THEM4: variants seen among roughly 807,000 people sequenced by gnomAD.
THEM4 encodes acyl-coenzyme A thioesterase THEM4.
A neutral mutation model predicts 25.0 loss-of-function variants in THEM4; 22 were observed. That is an observed-to-expected ratio of 0.88 (90% CI 0.63 to 1.26). The LOEUF is 1.26. Ranked by LOEUF, THEM4 falls within the 50% of genes most tolerant of loss-of-function variation. The pLI, the probability that THEM4 is intolerant of heterozygous loss-of-function variation, is 0.00. For missense variants in THEM4, 286 were observed against 300.3 expected, an observed-to-expected ratio of 0.95 and a Z score of 0.35; for synonymous variants, 113 against 105.6, an observed-to-expected ratio of 1.07 and a Z score of -0.43.
chr1:151,905,193 A>C (rs1477140932), intron 1 of THEM4, among the ~76,000 whole-genome samples: 1 of 152,214 alleles, frequency 6.6e-6, no homozygotes, highest in African/African-American at 2.4e-5. Flanking sequence ...AACAGGGTGG[A>C]GCCACAGAAG....
At chr1:151,881,931 G>A (rs1387829175) in intron 4 of THEM4, among the ~76,000 whole-genome samples, 2 of 151,822 alleles carry the variant, frequency 1.3e-5, no homozygotes, top group Non-Finnish European at 1.5e-5. Flanking sequence ...ATTTTTCTAG[G>A]ACTCTAATTA....
At chr1:151,886,969 C>T (rs1011371700) in intron 4 of THEM4, among the ~76,000 whole-genome samples, 2 of 151,900 alleles carry the variant, frequency 1.3e-5, no homozygotes, top group Non-Finnish European at 2.9e-5. Flanking sequence ...GTACAAAGAT[C>T]TGTTTACAAA....
intron 1 of THEM4, among the ~76,000 whole-genome samples, chr1:151,898,895 C>T (rs539856087): frequency 1.1e-3 from 161 of 152,262 alleles, no homozygotes; most frequent in Non-Finnish European, 1.2e-3. Context: ...GAGAGTACTA[C>T]ATCAGCAGAA....
chr1:151,887,755 T>C (rs1415310577), intron 4 of THEM4, among the ~76,000 whole-genome samples: 1 of 152,096 alleles, frequency 6.6e-6, no homozygotes, highest in East Asian at 1.9e-4. Context: ...CTCAAGAAGC[T>C]AGGACTACAG....
chr1:151,908,807 G>A (rs1343279106), intron 1 of THEM4, among the ~76,000 whole-genome samples: 1 of 152,112 alleles, frequency 6.6e-6, no homozygotes, highest in African/African-American at 2.4e-5. Flanking sequence ...GGAACCCCAG[G>A]AATTAAAAGC....
At chr1:151,899,991 G>A (rs1654317387) in intron 1 of THEM4, among the ~76,000 whole-genome samples, 2 of 152,130 alleles carry the variant, frequency 1.3e-5, no homozygotes, top group African/African-American at 2.4e-5. Flanking sequence ...AAGGGATTGG[G>A]GCCCTATCTT....
chr1:151,880,608 A>T (rs1426641756), intron 4 of THEM4, among the ~76,000 whole-genome samples: 1 of 152,170 alleles, frequency 6.6e-6, no homozygotes, highest in Non-Finnish European at 1.5e-5. Flanking sequence ...AGTTATTATT[A>T]CCTACTATTG....
intron 2 of THEM4, chr1:151,890,064 G>A (rs1453512827): frequency 1.2e-5 from 4 of 322,766 alleles, no homozygotes; most frequent in East Asian, 1.6e-4. Flanking sequence ...CCACCACCAC[G>A]CCTGACTAAT....
In THEM4 at chr1:151,874,601, C is replaced by A. The variant is rs974229298; in HGVS notation, c.*287G>T. ...TGTTGCCCAGACTGATCTTGAACTC[C>A]TGAGCTCAGGCAATCCGCCTGCCTC... is the stretch of plus-strand genomic sequence containing the variant. On this transcript the variant is annotated 3_prime_UTR_variant, in exon 6 of 6. Transcript: ENST00000368814. 1.7e-5 allele frequency: 8 copies of A among 463,560 alleles called. No individual in the cohort carries two copies. The highest frequency in any genetic ancestry group is 3.8e-5 in the East Asian group (1 of 26,522). The allele number at this position is 463,560 out of a possible 1,614,324, so 28.7% of individuals were successfully genotyped here.
intron 4 of THEM4, among the ~76,000 whole-genome samples, chr1:151,887,058 G>T (rs1183662650): frequency 6.6e-6 from 1 of 152,186 alleles, no homozygotes; most frequent in African/African-American, 2.4e-5. Context: ...CAGCAAAGCT[G>T]CAAGATGTAA....
At chr1:151,889,456 G>T in intron 2 of THEM4, 83 bp from the exon 3 acceptor site, 1 of 1,366,816 alleles carries the variant, frequency 7.3e-7, no homozygotes, top group Non-Finnish European at 1.0e-6. Context: ...TACCCTGCTA[G>T]AATCACATGT....
At chr1:151,885,291 G>C (rs1653942518) in intron 4 of THEM4, among the ~76,000 whole-genome samples, 1 of 151,826 alleles carries the variant, frequency 6.6e-6, no homozygotes, top group Admixed American at 6.6e-5. Context: ...GGTAATTTCT[G>C]TATTTTTAGT....
rs151265328 is a variant in THEM4, at chr1:151,904,129, C to T, written c.99+5231G>A. 9.9e-3 allele frequency among the ~76,000 whole-genome samples: 1,511 copies of T among 152,176 alleles called. 28 individuals are homozygous for T. The highest frequency in any genetic ancestry group is 0.035 in the African/African-American group (1,452 of 41,486). ...CATTAAGGAGAGAATGGGGAGGGGG[C>T]CTGCTCCAAGCGAAGGCATAGGAGA... On this transcript the variant is annotated intron_variant, in intron 1 of 5. Coordinates refer to ENST00000368814, the MANE Select transcript of THEM4 (RefSeq NM_053055.5).
At chr1:151,906,299 G>A (rs1047605609) in intron 1 of THEM4, among the ~76,000 whole-genome samples, 2 of 152,244 alleles carry the variant, frequency 1.3e-5, no homozygotes, top group Non-Finnish European at 2.9e-5. Flanking sequence ...TGCAGAGGGT[G>A]TACTGGGTCC....
In THEM4 at chr1:151,895,145, T is replaced by A; in HGVS notation, c.149A>T (p.Asn50Ile). 6.2e-7 allele frequency: 1 copy of A among 1,614,078 alleles called. No individual in the cohort carries two copies. Among genetic ancestry groups the A allele is most frequent in the Non-Finnish European group, 8.5e-7 (1 of 1,180,014 alleles). The change falls in exon 2 of 6, where the codon AAC (asparagine) becomes ATC (isoleucine). Residue 50 changes from asparagine to isoleucine, a missense_variant. By Grantham distance (149) the Asn-to-Ile change is moderately radical. Coordinates refer to ENST00000368814, the MANE Select transcript of THEM4 (RefSeq NM_053055.5). ...TCTTAGGTCCTTGTTCCAGCTGGGG[T>A]TGGGGACAGAACAGTCCTTAAGAAT... is the stretch of plus-strand genomic sequence containing the variant. ...EVILKDCSVP[N>I]PSWNKDLRLL...
Position 151,883,901 on chromosome 1 carries a change from C to T in THEM4, c.557+4372G>A, listed in dbSNP as rs904551578. On this transcript the variant is annotated intron_variant, in intron 4 of 5. Transcript: ENST00000368814. ...ACCAGCCTGGCCAACATGGTGAAAC[C>T]TCGTCTCTACTAAAAATACAAAAAT... Among the ~76,000 whole-genome samples the T allele has an allele frequency of 3.6e-4, 55 of 151,930 alleles. 1 individual carries two copies. Among genetic ancestry groups the T allele is most frequent in the Non-Finnish European group, 1.5e-4 (10 of 67,976 alleles).
chr1:151,871,251 G>C lies in THEM4; in HGVS notation c.*3637C>G, dbSNP rs1212423962. ...GAGGCAGGAGAATCGCTTGAACCTG[G>C]GAGGTGGAGGTTGCATTGAGCTGAG... On this transcript the variant is annotated 3_prime_UTR_variant, in exon 6 of 6. Coordinates refer to ENST00000368814, the MANE Select transcript of THEM4 (RefSeq NM_053055.5). Among the ~76,000 whole-genome samples, 1 of 151,258 alleles carries C rather than the reference G, an allele frequency of 6.6e-6. No homozygotes were observed. Among genetic ancestry groups the C allele is most frequent in the Non-Finnish European group, 1.5e-5 (1 of 67,930 alleles).
chr1:151,906,030 T>C (rs575563095), intron 1 of THEM4, among the ~76,000 whole-genome samples: 6 of 152,342 alleles, frequency 3.9e-5, no homozygotes, highest in Admixed American at 3.3e-4. Context: ...GCTCCCACTT[T>C]GGCGGCACTT....
chr1:151,895,776 G>A (rs1654209112), intron 1 of THEM4, among the ~76,000 whole-genome samples: 1 of 151,948 alleles, frequency 6.6e-6, no homozygotes, highest in Admixed American at 6.6e-5. Flanking sequence ...GGTGGGCCCT[G>A]GTGGGAGGTG....
Sources: gnomAD v4.1 joint callset for allele counts (sites outside exome capture counted in the v4.1 genomes callset) on GRCh38, gnomAD v4.1.1 for gene constraint, MANE v1.5 for transcripts, NCBI Gene and HGNC (gene_info 2026-07-23, HGNC 2026-07-21) for gene names.